The following HSPA4 variants were observed in gnomAD, a reference collection of about 807,000 sequenced individuals.
HSPA4 encodes the protein heat shock protein family A (Hsp70) member 4.
In HSPA4, 25 loss-of-function variants were observed where a neutral mutation model predicts 106.2. The ratio of observed to expected loss-of-function variants is 0.24; its 90% CI spans 0.17 to 0.33. The LOEUF (loss-of-function observed/expected upper bound fraction) is 0.33, where lower values mean the gene tolerates loss of function less well. Ranked by LOEUF, HSPA4 falls within the 10% of genes least tolerant of loss-of-function variation. The probability of loss-of-function intolerance (pLI) is 1.00; values close to 1 mark genes in which losing one functional copy is unlikely to be tolerated. For synonymous variants in HSPA4, 332 were observed against 333.6 expected (o/e 1.00, Z 0.05); for missense variants, 841 against 996.0 (o/e 0.84, Z 2.10).
chr5:133,059,730 G>C (rs1347594930), intron 1 of HSPA4, among the ~76,000 whole-genome samples: 1 of 152,112 alleles, frequency 6.6e-6, no homozygotes, highest in African/African-American at 2.4e-5. Flanking sequence ...ACTTGAATCA[G>C]CTCTTCCTGT....
intron 1 of HSPA4, among the ~76,000 whole-genome samples, chr5:133,057,360 CTTT>C (rs74273264): frequency 7.2e-6 from 1 of 139,464 alleles, no homozygotes. Context: ...TTCTGCGTAC[CTTT>C]TTTTTTTTTT....
At chr5:133,065,619 C>G (rs1765297170) in intron 2 of HSPA4, among the ~76,000 whole-genome samples, 1 of 152,328 alleles carries the variant, frequency 6.6e-6, no homozygotes, top group South Asian at 2.1e-4. Flanking sequence ...TTGCTTGTTC[C>G]TTGATATTTT....
chr5:133,089,821 C>A, intron 11 of HSPA4, 126 bp downstream of exon 11: 1 of 633,320 alleles, frequency 1.6e-6, no homozygotes, highest in Non-Finnish European at 2.5e-6. Context: ...CGAGATCAGC[C>A]TGGGCAACAT....
At chr5:133,070,146 G>T (rs1297286547) in intron 3 of HSPA4, among the ~76,000 whole-genome samples, 1 of 151,824 alleles carries the variant, frequency 6.6e-6, no homozygotes, top group East Asian at 1.9e-4. Context: ...CAGAGAGAGA[G>T]AATGACAGAG....
rs1020105053 is a variant in HSPA4 at position 133,105,220 on chromosome 5, T to C, written c.*784T>C. ...TGGTAAATTTAACTGAGGAATTAAA[T>C]CCTTGTTAATTTTGGTGTAAAGATT... On this transcript the variant is annotated 3_prime_UTR_variant, in exon 19 of 19. Transcript: ENST00000304858. 1 of 152,242 alleles carries C rather than the reference T, an allele frequency of 6.6e-6. No individual in the cohort carries two copies. The highest frequency in any genetic ancestry group is 1.5e-5 in the Non-Finnish European group (1 of 68,046). 9.4% of individuals were successfully genotyped at this position (152,242 alleles called of 1,614,324 possible). A position where few individuals can be genotyped will look rare whatever the true frequency, so the allele number is the denominator to read the frequency against.
intron 8 of HSPA4, among the ~76,000 whole-genome samples, 193 bp downstream of exon 8, chr5:133,087,051 A>C (rs1031956467): frequency 6.6e-6 from 1 of 152,162 alleles, no homozygotes; most frequent in Non-Finnish European, 1.5e-5. Context: ...AGGGAAATCT[A>C]ATAAAAGTTT....
In HSPA4 at chr5:133,092,863, C is replaced by A. The variant is rs148333882; in HGVS notation, c.1650+74C>A. On this transcript the variant is annotated intron_variant, in intron 13 of 18. Transcript: ENST00000304858. ...TGAGACAGAGTTTCAGTCTGTTGCC[C>A]AGGCTGGAGTGCAGTGACATGATCT... The A allele has an allele frequency of 1.5e-3, 1,253 of 844,822 alleles. 11 individuals carry two copies. In the African/African-American group the frequency reaches 0.024, roughly 16 times the overall value. 52.3% of individuals were successfully genotyped at this position (844,822 alleles called of 1,614,324 possible).
chr5:133,063,949 A>T (rs1765276654), intron 1 of HSPA4, among the ~76,000 whole-genome samples: 1 of 151,490 alleles, frequency 6.6e-6, no homozygotes, highest in South Asian at 2.1e-4. Context: ...TTTAGTAGGG[A>T]CAGGGTTTCA....
rs147985878 is a variant in HSPA4, at chr5:133,077,562, C to T, written c.908+664C>T. ...CCGAAATTTTTCTTTTTGAAATATT[C>T]GGGTTCACTTGAGGGTGACAGCTCT... On this transcript the variant is annotated intron_variant, in intron 7 of 18. Transcript: ENST00000304858. 2.2e-3 allele frequency among the ~76,000 whole-genome samples: 341 copies of T among 152,184 alleles called. 2 individuals are homozygous for T. Among genetic ancestry groups the T allele is most frequent in the African/African-American group, 7.9e-3 (329 of 41,526 alleles).
intron 8 of HSPA4, among the ~76,000 whole-genome samples, chr5:133,087,100 G>A (rs1316903762): frequency 6.6e-6 from 1 of 152,122 alleles, no homozygotes; most frequent in Non-Finnish European, 1.5e-5. Flanking sequence ...TTGGATATAA[G>A]CCTCACAATT....
chr5:133,084,573 C>T (rs904474572), intron 7 of HSPA4, among the ~76,000 whole-genome samples: 2 of 151,990 alleles, frequency 1.3e-5, no homozygotes, highest in East Asian at 3.9e-4. Context: ...CAGGTTCAAG[C>T]GATTCTCCTG....
rs1765585227 is a variant in HSPA4, at chr5:133,086,897, G to T, written c.985+39G>T. ...TGATTGAATTTGTTTGCGTATCTCA[G>T]ACTGTTTGGAAATTGTTATTTATTA... On this transcript the variant is annotated intron_variant, in intron 8 of 18. Transcript: ENST00000304858. The T allele has an allele frequency of 2.9e-6, 4 of 1,403,000 alleles. No homozygotes were observed. The East Asian group carries it at 9.1e-5, about 32-fold the overall frequency. 86.9% of individuals were successfully genotyped at this position (1,403,000 alleles called of 1,614,324 possible).
At chr5:133,088,613 T>G in intron 9 of HSPA4, 58 bp downstream of exon 9, 1 of 1,441,470 alleles carries the variant, frequency 6.9e-7, no homozygotes, top group Admixed American at 1.7e-5. Flanking sequence ...AAGATGGCAG[T>G]GGTTTATGTA....
chr5:133,106,141 G>GTGT lies in HSPA4; in HGVS notation c.*1705_*1706insTGT, dbSNP rs1554090689. On this transcript the variant is annotated 3_prime_UTR_variant, in exon 19 of 19. Coordinates refer to ENST00000304858, the MANE Select transcript of HSPA4 (RefSeq NM_002154.4). ...TTTTTTTTTTTTTTTTTTTTTTTTT[G>GTGT]GTGTGTGTGTGTGTGTGTGTGGGGA... 4 of 53,594 alleles carry GTGT rather than the reference G, an allele frequency of 7.5e-5. No individual in the cohort carries two copies. Among genetic ancestry groups the GTGT allele is most frequent in the Non-Finnish European group, 1.0e-4 (3 of 29,026 alleles). The allele number at this position is 53,594 out of a possible 1,614,324, so 3.3% of individuals were successfully genotyped here.
At chr5:133,093,259 G>A (rs932021169) in intron 13 of HSPA4, among the ~76,000 whole-genome samples, 1 of 152,050 alleles carries the variant, frequency 6.6e-6, no homozygotes, top group Admixed American at 6.6e-5. Flanking sequence ...GGAAGATTTT[G>A]TAGTGATTTG....
rs543718448 is a variant in HSPA4 at position 133,066,904 on chromosome 5, C to T, written c.166-513C>T. Among the ~76,000 whole-genome samples, 8 of 152,022 alleles carry T rather than the reference C, an allele frequency of 5.3e-5. No homozygotes were observed. The East Asian group carries it at 1.5e-3, about 29-fold the overall frequency. On this transcript the variant is annotated intron_variant, in intron 2 of 18. Coordinates refer to ENST00000304858, the MANE Select transcript of HSPA4 (RefSeq NM_002154.4). ...TAATTTTTTGTATTTTTAGTAGAGACAGCGTTTCACCATGTTGGTCAGGCT... is the reference window on the plus strand; with the variant it reads ...TAATTTTTTGTATTTTTAGTAGAGATAGCGTTTCACCATGTTGGTCAGGCT...
At chr5:133,058,121 G>A (rs758729385) in intron 1 of HSPA4, among the ~76,000 whole-genome samples, 2 of 152,240 alleles carry the variant, frequency 1.3e-5, no homozygotes, top group African/African-American at 2.4e-5. Context: ...GCTGGCTGTG[G>A]TGGCTCATGC....
rs757340508 is a variant in HSPA4, at chr5:133,099,619, G to A, written c.2004G>A (p.Lys668=). The A allele has an allele frequency of 6.2e-7, 1 of 1,602,724 alleles. No individual in the cohort carries two copies. The highest frequency in any genetic ancestry group is 8.5e-7 in the Non-Finnish European group (1 of 1,171,026). Residue 668 remains lysine (K), a synonymous_variant, in exon 16 of 19, where the codon AAG becomes AAA. Transcript: ENST00000304858. ...WLYEDGEDQP[K]QVYVDKLAEL... ...ATGAGGATGGAGAAGACCAGCCAAA[G>A]CAAGTTTATGTTGATAAGTTGGCTG...
At chr5:133,099,030 G>A (rs547795900) in intron 15 of HSPA4, among the ~76,000 whole-genome samples, 1 of 152,212 alleles carries the variant, frequency 6.6e-6, no homozygotes, top group African/African-American at 2.4e-5. Flanking sequence ...AGCCCTCCAC[G>A]GCAGGGAGAA....
Sources: allele counts gnomAD v4.1 joint callset (sites outside exome capture counted in the v4.1 genomes callset), GRCh38; gene constraint gnomAD v4.1.1; transcripts MANE v1.5; gene names NCBI Gene and HGNC (gene_info 2026-07-23, HGNC 2026-07-21).